CACNA1B: variants seen among roughly 807,000 people sequenced by gnomAD.
The protein encoded by CACNA1B is calcium voltage-gated channel subunit alpha1 B, also known as voltage-dependent N-type calcium channel subunit alpha-1B.
In CACNA1B, 70 loss-of-function variants were observed where a neutral mutation model predicts 247.2. That is an observed-to-expected ratio of 0.28 (90% confidence interval 0.23 to 0.35). The LOEUF (loss-of-function observed/expected upper bound fraction) is 0.35. Among genes scored for constraint, CACNA1B ranks in the 10% least tolerant of loss-of-function variants. CACNA1B has a pLI of 1.00. For synonymous variants in CACNA1B, 1,231 were observed against 1,294.4 expected, an observed-to-expected ratio of 0.95 and a Z score of 1.05; for missense variants, 2,367 against 3,197.4, an observed-to-expected ratio of 0.74 and a Z score of 6.26.
At chr9:138,017,443 T>C (rs770064851) in intron 18 of CACNA1B, among the ~76,000 whole-genome samples, 46 of 152,222 alleles carry the variant, frequency 3.0e-4, no homozygotes, top group Non-Finnish European at 4.7e-4. Context: ...GTCTCTGTCT[T>C]TTTGTCTGCT....
chr9:138,006,932 C>A, intron 16 of CACNA1B, 48 bp downstream of exon 16: 1 of 980,026 alleles, frequency 1.0e-6, no homozygotes. Context: ...GCTTGGCCCT[C>A]CTCTTCTCCA....
intron 44 of CACNA1B, among the ~76,000 whole-genome samples, chr9:138,119,316 C>CG (rs1961991485): frequency 6.6e-6 from 1 of 152,098 alleles, no homozygotes; most frequent in African/African-American, 2.4e-5. Context: ...ATGTGTTTCC[C>CG]GGGGGAGGCT....
At chr9:138,047,537 T>C (rs865937803) in intron 23 of CACNA1B, 79 bp downstream of exon 23, 1 of 978,552 alleles carries the variant, frequency 1.0e-6, no homozygotes, top group South Asian at 1.3e-5. Flanking sequence ...AGGGCAGTGG[T>C]TGAACCACAA....
intron 15 of CACNA1B, among the ~76,000 whole-genome samples, chr9:137,997,206 C>T (rs1301926995): frequency 1.3e-5 from 2 of 152,172 alleles, no homozygotes; most frequent in African/African-American, 4.8e-5. Flanking sequence ...TCATTGTACT[C>T]CACTCTGTGT....
rs1958200259 is a variant in CACNA1B at position 137,974,933 on chromosome 9, A to G, written c.1544-974A>G. ...AGCACTGTGAGAAGTTTAAGAGCCA[A>G]TCCCTGCCCAACCCTTTGGGAGGAG... On this transcript the variant is annotated intron_variant, in intron 11 of 46. Transcript: ENST00000371372. The surrounding 1 kb of genome is among the most constrained non-coding windows in gnomAD (Gnocchi z 4.5). 6.6e-6 allele frequency among the ~76,000 whole-genome samples: 1 copy of G among 152,176 alleles called. No individual in the cohort carries two copies. The highest frequency in any genetic ancestry group is 6.5e-5 in the Admixed American group (1 of 15,280).
At chr9:138,112,628 C>T (rs887931020) in intron 40 of CACNA1B, 123 bp downstream of exon 40, 4 of 672,500 alleles carry the variant, frequency 5.9e-6, no homozygotes, top group South Asian at 3.4e-5. Flanking sequence ...GGTGGGCTCA[C>T]CTCCTCATGA....
rs1246080539 is a variant in CACNA1B at position 137,954,102 on chromosome 9, G to C, written c.1071-1596G>C. ...CACTGTGAGGATCCTGGCCTCTGGG[G>C]AGAATGGGATATGTGATGTTCCTCC... On this transcript the variant is annotated intron_variant, in intron 7 of 46. Coordinates refer to ENST00000371372, the MANE Select transcript of CACNA1B (RefSeq NM_000718.4). The surrounding 1 kb of genome is among the most constrained non-coding windows in gnomAD (Gnocchi z 4.1). Among the ~76,000 whole-genome samples, 1 of 152,160 alleles carries C rather than the reference G, an allele frequency of 6.6e-6. No homozygotes were observed. Among genetic ancestry groups the C allele is most frequent in the Non-Finnish European group, 1.5e-5 (1 of 68,012 alleles).
Position 138,007,517 on chromosome 9 carries a change from G to C in CACNA1B, c.2092+633G>C, listed in dbSNP as rs1277526752. ...GTGAGGGCTATGACAGGCAGTGTGAGTGGGTCCCCCTGTAGCTGGGGTGGG... is the reference window on the plus strand; with the variant it reads ...GTGAGGGCTATGACAGGCAGTGTGACTGGGTCCCCCTGTAGCTGGGGTGGG... On this transcript the variant is annotated intron_variant, in intron 16 of 46. Coordinates refer to ENST00000371372, the MANE Select transcript of CACNA1B (RefSeq NM_000718.4). This position sits in a 1 kb window ranked among gnomAD's most constrained non-coding sequence, Gnocchi z 4.1. 6.6e-6 allele frequency among the ~76,000 whole-genome samples: 1 copy of C among 152,176 alleles called. No individual in the cohort carries two copies. Among genetic ancestry groups the C allele is most frequent in the Non-Finnish European group, 1.5e-5 (1 of 68,026 alleles).
chr9:138,058,184 G>C lies in CACNA1B; in HGVS notation c.4242G>C (p.Leu1414Phe). ...TCTTCGTCAACATCTTTGTGGCTTT[G>C]ATCATCATCACCTTCCAGGAGCAGG... Reference protein sequence around the residue: ...PFFFVNIFVALIIITFQEQGD... With the variant: ...PFFFVNIFVAFIIITFQEQGD... The change falls in exon 28 of 47, where the codon TTG (leucine) becomes TTC (phenylalanine). Residue 1414 changes from leucine to phenylalanine, a missense_variant. Transcript: ENST00000371372. The surrounding 1 kb of genome is among the most constrained non-coding windows in gnomAD (Gnocchi z 4.7). 6.2e-7 allele frequency: 1 copy of C among 1,614,022 alleles called. No individual in the cohort carries two copies. The highest frequency in any genetic ancestry group is 8.5e-7 in the Non-Finnish European group (1 of 1,179,890).
chr9:137,918,218 G>C (rs1050450077), intron 6 of CACNA1B, among the ~76,000 whole-genome samples: 1 of 151,918 alleles, frequency 6.6e-6, no homozygotes, highest in African/African-American at 2.4e-5. Flanking sequence ...CTTGGGGGGG[G>C]TGCCTGATGG....
chr9:138,075,855 A>C lies in CACNA1B; in HGVS notation c.4894A>C (p.Ile1632Leu). 1 of 1,609,208 alleles carries C rather than the reference A, an allele frequency of 6.2e-7. No homozygotes were observed. Among genetic ancestry groups the C allele is most frequent in the Non-Finnish European group, 8.5e-7 (1 of 1,176,274 alleles). ...GNIALDDDTS[I>L]NRHNNFRTFL... Reference sequence around the variant, plus strand: ...TATTGCCCTGGATGATGACACCAGCATCAACCGCCACAACAACTTCCGGAC... The same window carrying C: ...TATTGCCCTGGATGATGACACCAGCCTCAACCGCCACAACAACTTCCGGAC... The change falls in exon 35 of 47, where the codon ATC (isoleucine) becomes CTC (leucine). Residue 1632 changes from isoleucine (I) to leucine (L), a missense_variant. Physicochemically the swap from Ile to Leu is conservative, Grantham distance 5 (BLOSUM62 2). Around this residue, in one of 12 missense-constraint regions of CACNA1B, gnomAD observed 436 missense variants for 679.5 expected, o/e 0.64. Transcript: ENST00000371372.
intron 24 of CACNA1B, 124 bp downstream of exon 24, chr9:138,049,439 G>A: frequency 1.4e-6 from 1 of 711,588 alleles, no homozygotes; most frequent in Non-Finnish European, 2.6e-6. Context: ...CTCTGTTGCT[G>A]TCCATGTGGG....
At chr9:137,994,857 AC>A (rs1413645772) in intron 15 of CACNA1B, among the ~76,000 whole-genome samples, 2 of 152,348 alleles carry the variant, frequency 1.3e-5, no homozygotes, top group South Asian at 4.1e-4. Flanking sequence ...ACTAGAAAAA[AC>A]AATCCTAAAA....
In CACNA1B at chr9:138,094,457, A is replaced by AAAAAGAAGAAG. The variant is rs752912258; in HGVS notation, c.5095-2025_5095-2024insAAGAAGAAGAA. On this transcript the variant is annotated intron_variant, in intron 36 of 46. Coordinates refer to ENST00000371372, the MANE Select transcript of CACNA1B (RefSeq NM_000718.4). ...TTTACTACAGTAAAAAAAAAAAAAA[A>AAAAAGAAGAAG]AAGAAGAAGAAGAAGAAAGTGAACA... 3.7e-5 allele frequency among the ~76,000 whole-genome samples: 5 copies of AAAAAGAAGAAG among 134,836 alleles called. No homozygotes were observed. The East Asian group carries it at 1.3e-3, about 35-fold the overall frequency. The allele number at this position is 134,836 out of a possible 152,430, so 88.5% of individuals were successfully genotyped here.
At position 138,059,184 on chromosome 9, in the gene CACNA1B, G is replaced by A. The variant is rs1959624589; in HGVS notation, c.4579G>A (p.Val1527Met). 6.3e-7 allele frequency: 1 copy of A among 1,585,190 alleles called. No individual in the cohort carries two copies. Among genetic ancestry groups the A allele is most frequent in the Middle Eastern group, 1.7e-4 (1 of 6,010 alleles). Residue 1527 changes from valine (V) to methionine (M), a missense_variant, in exon 30 of 47, where the codon GTG becomes ATG. This residue lies in a region of CACNA1B where 436 missense variants were observed against 679.5 expected (regional missense o/e 0.64). Transcript: ENST00000371372. The surrounding 1 kb of genome is among the most constrained non-coding windows in gnomAD (Gnocchi z 4.2). Reference sequence around the variant, plus strand: ...CGTGCTGAAGATCATCGCCTTTGGGGTGCTGGTACGTGCTTTGGTCCCTGC... The same window carrying A: ...CGTGCTGAAGATCATCGCCTTTGGGATGCTGGTACGTGCTTTGGTCCCTGC... ...ECVLKIIAFGVLNYFRDAWNV... is the reference protein window; with the variant it reads ...ECVLKIIAFGMLNYFRDAWNV...
rs145493827 is a variant in CACNA1B at position 137,919,423 on chromosome 9, C to T, written c.966+1992C>T. 1.6e-3 allele frequency among the ~76,000 whole-genome samples: 238 copies of T among 152,320 alleles called. No individual in the cohort carries two copies. The highest frequency in any genetic ancestry group is 2.9e-3 in the Non-Finnish European group (198 of 68,028). The stretch of plus-strand genomic sequence containing the variant: ...TGCTACAACACCTTGGAAGCTTGGC[C>T]GGGGCAGCAAGATGCAGTCATGGCA... On this transcript the variant is annotated intron_variant, in intron 6 of 46. Transcript: ENST00000371372. The surrounding 1 kb of genome is among the most constrained non-coding windows in gnomAD (Gnocchi z 4.6).
At position 137,975,859 on chromosome 9, in the gene CACNA1B, G is replaced by C. The variant is rs938375208; in HGVS notation, c.1544-48G>C. On this transcript the variant is annotated intron_variant, in intron 11 of 46. Transcript: ENST00000371372. The stretch of plus-strand genomic sequence containing the variant: ...TCCTCCAGTCTGGGCTGGAGCCAGA[G>C]TGGGAGGAGGCCTCGAGCTAATCCC... 2.6e-6 allele frequency: 3 copies of C among 1,160,190 alleles called. No homozygotes were observed. In the South Asian group the frequency reaches 3.8e-5, roughly 15 times the overall value. 71.9% of individuals were successfully genotyped at this position (1,160,190 alleles called of 1,614,324 possible).
At chr9:138,032,711 C>T (rs1355721470) in intron 20 of CACNA1B, 2 of 453,380 alleles carry the variant, frequency 4.4e-6, no homozygotes, top group Non-Finnish European at 8.8e-6. Context: ...CCTCTTCCTT[C>T]TGACCTCCAT....
chr9:137,965,573 T>TTTTATTTATTTA (rs10586603), intron 10 of CACNA1B, among the ~76,000 whole-genome samples: 137 of 148,522 alleles, frequency 9.2e-4, no homozygotes, highest in Admixed American at 1.8e-3. Context: ...TCCTACTTCA[T>TTTTATTTATTTA]TTTATTTATT....
Sources: allele counts gnomAD v4.1 joint callset (sites outside exome capture counted in the v4.1 genomes callset), GRCh38; gene constraint gnomAD v4.1.1; regional missense constraint gnomAD v4.1.1; non-coding constraint Gnocchi (gnomAD v3.1); transcripts MANE v1.5; gene names NCBI Gene and HGNC (gene_info 2026-07-23, HGNC 2026-07-21).